Variants in PLAAT3 observed in about 807,000 individuals in gnomAD.
The protein encoded by PLAAT3 is phospholipase A and acyltransferase 3.
A neutral mutation model predicts 16.7 loss-of-function variants in PLAAT3; 21 were observed. The ratio of observed to expected loss-of-function variants is 1.26; its 90% CI spans 0.89 to 1.81. The LOEUF (loss-of-function observed/expected upper bound fraction) is 1.81. Ranked by LOEUF, PLAAT3 falls within the 40% of genes most tolerant of loss-of-function variation. The probability of loss-of-function intolerance (pLI) is 0.00; values close to 1 mark genes in which losing one functional copy is unlikely to be tolerated. For synonymous variants in PLAAT3, 76 were observed against 81.7 expected (o/e 0.93, Z 0.38); for missense variants, 219 against 213.7 (o/e 1.02, Z -0.16).
chr11:63,596,631 C>A (rs890274713), intron 3 of PLAAT3, among the ~76,000 whole-genome samples: 1 of 151,620 alleles, frequency 6.6e-6, no homozygotes, highest in Non-Finnish European at 1.5e-5. Context: ...GCATTAGATT[C>A]TCATAAGGAG....
intron 2 of PLAAT3, among the ~76,000 whole-genome samples, chr11:63,607,845 C>G (rs1247716547): frequency 6.6e-5 from 10 of 151,766 alleles, no homozygotes. Context: ...GGGGTTTGGT[C>G]AGAAGCAGGG....
chr11:63,591,747 T>A (rs1163166056), intron 3 of PLAAT3, among the ~76,000 whole-genome samples: 2 of 152,220 alleles, frequency 1.3e-5, no homozygotes, highest in Non-Finnish European at 2.9e-5. Flanking sequence ...CTTGGAAGAT[T>A]CATTGAAGTA....
At chr11:63,583,098 C>A (rs923250403) in intron 4 of PLAAT3, among the ~76,000 whole-genome samples, 2 of 152,088 alleles carry the variant, frequency 1.3e-5, no homozygotes, top group Admixed American at 6.5e-5. Flanking sequence ...CCTCTGCACT[C>A]CAGCCTGGGT....
intron 2 of PLAAT3, among the ~76,000 whole-genome samples, chr11:63,613,682 GTGTGGC>G (rs10570535): frequency 0.93 from 141,076 of 152,156 alleles, 66,349 homozygotes; most frequent in East Asian, 1. Flanking sequence ...CGCTGTCCGG[GTGTGGC>G]TCCGGAGGGC....
At chr11:63,607,599 G>A (rs1938599031) in intron 2 of PLAAT3, among the ~76,000 whole-genome samples, 1 of 152,022 alleles carries the variant, frequency 6.6e-6, no homozygotes. Context: ...TGAGATTTTT[G>A]TTTCGGTCTT....
chr11:63,614,527 C>G (rs1337940406), upstream of PLAAT3: 1 of 153,850 alleles, frequency 6.5e-6, no homozygotes, highest in Admixed American at 6.5e-5. Context: ...GCCCCGGTCC[C>G]GAGCCCGGCG....
intron 4 of PLAAT3, among the ~76,000 whole-genome samples, chr11:63,577,020 G>T (rs2017671711): frequency 1.3e-5 from 2 of 152,192 alleles, no homozygotes; most frequent in South Asian, 4.1e-4. Flanking sequence ...ATTGTATTTA[G>T]ATGTTGTAAT....
In PLAAT3 at chr11:63,574,922, G is replaced by A. The variant is rs1332636082; in HGVS notation, c.*23C>T. 4.9e-6 allele frequency: 7 copies of A among 1,421,310 alleles called. No homozygotes were observed. In the African/African-American group the frequency reaches 7.0e-5, roughly 14 times the overall value. 88.0% of individuals were successfully genotyped at this position (1,421,310 alleles called of 1,614,324 possible). On this transcript the variant is annotated 3_prime_UTR_variant, in exon 5 of 5. Transcript: ENST00000415826. ...GACCCCCTTGATGTATAAAGTCATC[G>A]CTGACAGGACAGTCTTTTTCAGTTA...
intron 2 of PLAAT3, among the ~76,000 whole-genome samples, chr11:63,601,585 G>T (rs1215642897): frequency 6.6e-6 from 1 of 152,108 alleles, no homozygotes; most frequent in African/African-American, 2.4e-5. Context: ...TTAGGAGCAA[G>T]GGTTTGATGG....
chr11:63,604,344 A>C (rs1048717193), intron 2 of PLAAT3, among the ~76,000 whole-genome samples: 1 of 152,214 alleles, frequency 6.6e-6, no homozygotes, highest in Non-Finnish European at 1.5e-5. Flanking sequence ...AATGTTAAAA[A>C]GTATTTAAAG....
At chr11:63,584,449 A>C (rs1232456923) in intron 4 of PLAAT3, among the ~76,000 whole-genome samples, 1 of 151,438 alleles carries the variant, frequency 6.6e-6, no homozygotes, top group African/African-American at 2.4e-5. Context: ...ATTACGTTTT[A>C]GTTTAAATTC....
upstream of PLAAT3, among the ~76,000 whole-genome samples, chr11:63,615,554 T>A (rs1463229076): frequency 1.3e-5 from 2 of 152,040 alleles, no homozygotes; most frequent in East Asian, 3.9e-4. Context: ...GAAGGACACC[T>A]TCCTTATACT....
chr11:63,613,542 C>A (rs1374128692), intron 2 of PLAAT3, among the ~76,000 whole-genome samples: 1 of 152,280 alleles, frequency 6.6e-6, no homozygotes, highest in Non-Finnish European at 1.5e-5. Flanking sequence ...CAAATCCCAT[C>A]CTCTGAATCC....
At chr11:63,581,802 G>T (rs1236801321) in intron 4 of PLAAT3, among the ~76,000 whole-genome samples, 1 of 152,056 alleles carries the variant, frequency 6.6e-6, no homozygotes. Flanking sequence ...TTCTCTCTTT[G>T]TACTCTTTCT....
intron 4 of PLAAT3, among the ~76,000 whole-genome samples, chr11:63,577,061 A>G (rs1937633723): frequency 6.6e-6 from 1 of 152,246 alleles, no homozygotes; most frequent in African/African-American, 2.4e-5. Context: ...CATTTAACAA[A>G]CAGACATTGT....
chr11:63,581,525 G>C (rs903673070), intron 4 of PLAAT3, among the ~76,000 whole-genome samples: 1 of 152,168 alleles, frequency 6.6e-6, no homozygotes, highest in Non-Finnish European at 1.5e-5. Context: ...CTGGTTGTCT[G>C]CTCTCAAACC....
At chr11:63,601,697 C>T (rs1055919663) in intron 2 of PLAAT3, among the ~76,000 whole-genome samples, 7 of 152,266 alleles carry the variant, frequency 4.6e-5, no homozygotes, top group Middle Eastern at 3.4e-3. Context: ...GATACATGGC[C>T]GGATGCAGTG....
chr11:63,589,651 C>T (rs910227211), intron 4 of PLAAT3, among the ~76,000 whole-genome samples: 1 of 152,284 alleles, frequency 6.6e-6, no homozygotes, highest in Non-Finnish European at 1.5e-5. Flanking sequence ...CAAATCCCAA[C>T]TCTGCTAATT....
chr11:63,614,314 G>A (rs1397513958), intron 1 of PLAAT3, 71 bp downstream of exon 1: 2 of 450,922 alleles, frequency 4.4e-6, no homozygotes, highest in Non-Finnish European at 7.9e-6. Context: ...CTTCCTCGCG[G>A]AAGGGGAGAA....
Sources: allele counts gnomAD v4.1 joint callset (sites outside exome capture counted in the v4.1 genomes callset), GRCh38; gene constraint gnomAD v4.1.1; transcripts MANE v1.5; gene names NCBI Gene and HGNC (gene_info 2026-07-23, HGNC 2026-07-21).